Variants in TRHDE observed in about 807,000 individuals in gnomAD.
TRHDE encodes thyrotropin releasing hormone degrading enzyme, also known as thyrotropin-releasing hormone-degrading ectoenzyme.
TRHDE carries 72 observed loss-of-function variants against 125.7 expected under a neutral mutation model. That is an observed-to-expected ratio of 0.57 (90% CI 0.47 to 0.70). TRHDE has a LOEUF of 0.70. TRHDE is among the 30% of genes least tolerant of loss of function. TRHDE has a pLI of 0.00. For missense variants in TRHDE, 1,110 were observed against 1,327.1 expected (o/e 0.84, Z 2.54); for synonymous variants, 509 against 509.1 (o/e 1.00, Z 0.00).
At position 72,558,323 on chromosome 12, in the gene TRHDE, A is replaced by T. The variant is rs1870017956; in HGVS notation, c.1789-3842A>T. ...AAATGCATCAAAATTGAGTCCTGGAAATTGAATTGAATTGAGGTAGGCAAA... is the reference window on the plus strand; with the variant it reads ...AAATGCATCAAAATTGAGTCCTGGATATTGAATTGAATTGAGGTAGGCAAA... On this transcript the variant is annotated intron_variant, in intron 7 of 18. Transcript: ENST00000261180. 1.3e-5 allele frequency among the ~76,000 whole-genome samples: 2 copies of T among 152,194 alleles called. 1 individual carries two copies. Among genetic ancestry groups the T allele is most frequent in the South Asian group, 4.1e-4 (2 of 4,828 alleles).
At chr12:72,495,229 G>A (rs1303462601) in intron 5 of TRHDE, among the ~76,000 whole-genome samples, 1 of 151,664 alleles carries the variant, frequency 6.6e-6, no homozygotes, top group Non-Finnish European at 1.5e-5. Context: ...CAGTCCTTCA[G>A]CAACACCTTG....
At chr12:72,099,383 G>T (rs754729485) in intron 1 of TRHDE, among the ~76,000 whole-genome samples, 4 of 152,112 alleles carry the variant, frequency 2.6e-5, no homozygotes, top group Non-Finnish European at 4.4e-5. Context: ...TATTGCAGAG[G>T]GTAACTGTGA....
chr12:72,383,463 G>A (rs1481329657), intron 3 of TRHDE, among the ~76,000 whole-genome samples: 4 of 130,876 alleles, frequency 3.1e-5, no homozygotes, highest in South Asian at 2.5e-4. Flanking sequence ...TGCAACCTCC[G>A]CCTTCCGGGT....
At chr12:72,597,162 A>G (rs999030667) in intron 12 of TRHDE, among the ~76,000 whole-genome samples, 7 of 152,220 alleles carry the variant, frequency 4.6e-5, no homozygotes, top group Admixed American at 6.5e-5. Context: ...TCTGGAGAAC[A>G]TAAGTGTCTC....
chr12:72,329,925 C>T (rs191852481), intron 2 of TRHDE, among the ~76,000 whole-genome samples: 8 of 151,846 alleles, frequency 5.3e-5, no homozygotes, highest in Admixed American at 2.0e-4. Flanking sequence ...CCAAGAGAAA[C>T]ATAAGGGAAT....
chr12:72,226,685 A>C (rs1878135015), intron 2 of TRHDE, among the ~76,000 whole-genome samples: 1 of 152,216 alleles, frequency 6.6e-6, no homozygotes, highest in South Asian at 2.1e-4. Context: ...TGATAAATAG[A>C]ATCATCATTT....
At chr12:72,322,225 C>T (rs1791854096) in intron 2 of TRHDE, among the ~76,000 whole-genome samples, 1 of 152,074 alleles carries the variant, frequency 6.6e-6, no homozygotes, top group African/African-American at 2.4e-5. Context: ...CTACCTGTTT[C>T]AGCCCTCATG....
At chr12:72,175,555 G>A (rs1297878471) in intron 2 of TRHDE, among the ~76,000 whole-genome samples, 2 of 152,088 alleles carry the variant, frequency 1.3e-5, no homozygotes, top group African/African-American at 2.4e-5. Flanking sequence ...CCTGAGTCCC[G>A]GCTGCATCCT....
chr12:72,585,621 G>C (rs117400768), intron 12 of TRHDE, among the ~76,000 whole-genome samples: 1,553 of 152,326 alleles, frequency 0.01, 13 homozygotes, highest in Non-Finnish European at 0.014. Flanking sequence ...TTCTACTAAA[G>C]AGGACAGAAA....
chr12:72,454,314 G>A (rs376633337), intron 3 of TRHDE, among the ~76,000 whole-genome samples: 16 of 151,976 alleles, frequency 1.1e-4, no homozygotes, highest in Admixed American at 1.0e-3. Flanking sequence ...AATATTTTTT[G>A]CAGGAATCTT....
At chr12:72,188,648 G>C (rs997304505) in intron 2 of TRHDE, among the ~76,000 whole-genome samples, 8 of 152,178 alleles carry the variant, frequency 5.3e-5, no homozygotes, top group African/African-American at 1.9e-4. Flanking sequence ...ATGTTGCTGT[G>C]TGAAAATGTG....
rs1873055601 is a variant in TRHDE, at chr12:72,621,637, T to C, written c.2568-7T>C. On this transcript the variant is annotated splice_polypyrimidine_tract_variant and splice_region_variant and intron_variant, in intron 14 of 18. Transcript: ENST00000261180. ...TTTTAATTTGTTTCCCTTTTGATGA[T>C]ATCTAGAGAACTACGTAGAGAAGTT... The C allele has an allele frequency of 1.3e-6, 2 of 1,590,128 alleles. No homozygotes were observed. The highest frequency in any genetic ancestry group is 8.6e-7 in the Non-Finnish European group (1 of 1,166,002).
At chr12:72,363,351 C>T (rs1000353034) in intron 2 of TRHDE, among the ~76,000 whole-genome samples, 16 of 151,826 alleles carry the variant, frequency 1.1e-4, no homozygotes, top group Non-Finnish European at 1.3e-4. Flanking sequence ...CCTTGATGAA[C>T]ATTGATGCCA....
intron 17 of TRHDE, among the ~76,000 whole-genome samples, chr12:72,656,221 G>A (rs1284854811): frequency 6.6e-6 from 1 of 152,064 alleles, no homozygotes; most frequent in Non-Finnish European, 1.5e-5. Context: ...TCAAGTAATT[G>A]TGTCTGTAGT....
chr12:72,603,834 G>A (rs976456477), intron 12 of TRHDE, among the ~76,000 whole-genome samples: 2 of 152,074 alleles, frequency 1.3e-5, no homozygotes, highest in Non-Finnish European at 1.5e-5. Flanking sequence ...CACTCAAAGG[G>A]ATTAACACTG....
intron 5 of TRHDE, among the ~76,000 whole-genome samples, chr12:72,479,344 G>C (rs1432281770): frequency 1.3e-5 from 2 of 152,008 alleles, no homozygotes; most frequent in Non-Finnish European, 2.9e-5. Flanking sequence ...CTTTTGAAGA[G>C]CCTCAATGTT....
At position 72,642,149 on chromosome 12, in the gene TRHDE, A is replaced by C. The variant is rs187864207; in HGVS notation, c.2676-10173A>C. 2.4e-3 allele frequency among the ~76,000 whole-genome samples: 370 copies of C among 152,254 alleles called. 1 individual carries two copies. Among genetic ancestry groups the C allele is most frequent in the African/African-American group, 8.7e-3 (360 of 41,536 alleles). Reference sequence around the variant, plus strand: ...ATAGCCTCCAGTGCTGTGAGAAATAAATTTCTATTGTTTATAAGCCTCCCA... The same window carrying C: ...ATAGCCTCCAGTGCTGTGAGAAATACATTTCTATTGTTTATAAGCCTCCCA... On this transcript the variant is annotated intron_variant, in intron 15 of 18. Coordinates refer to ENST00000261180, the MANE Select transcript of TRHDE (RefSeq NM_013381.3).
intron 1 of TRHDE, among the ~76,000 whole-genome samples, chr12:72,100,232 G>C (rs528224168): frequency 6.6e-6 from 1 of 152,206 alleles, no homozygotes; most frequent in East Asian, 1.9e-4. Context: ...ACTGTGTAAG[G>C]CTTTTTATGA....
intron 2 of TRHDE, among the ~76,000 whole-genome samples, chr12:72,288,946 A>G (rs1235241435): frequency 6.6e-6 from 1 of 152,172 alleles, no homozygotes; most frequent in Non-Finnish European, 1.5e-5. Context: ...ACTAAAATCT[A>G]TAAAAAAGAA....
Sources: gnomAD v4.1 joint callset for allele counts (sites outside exome capture counted in the v4.1 genomes callset) on GRCh38, gnomAD v4.1.1 for gene constraint, MANE v1.5 for transcripts, NCBI Gene and HGNC (gene_info 2026-07-23, HGNC 2026-07-21) for gene names.